The following NRXN3 variants were observed in gnomAD, a reference collection of about 807,000 sequenced individuals.
The protein encoded by NRXN3 is neurexin III.
A neutral mutation model predicts 137.6 loss-of-function variants in NRXN3; 32 were observed. The ratio of observed to expected loss-of-function variants is 0.23; its 90% CI spans 0.18 to 0.31. The LOEUF is 0.31. Ranked by LOEUF, NRXN3 falls within the 10% of genes least tolerant of loss-of-function variation. NRXN3 has a pLI of 1.00. For synonymous variants in NRXN3, 798 were observed against 784.5 expected (o/e 1.02, Z -0.29); for missense variants, 1,574 against 2,062.5 (o/e 0.76, Z 4.59).
intron 15 of NRXN3, among the ~76,000 whole-genome samples, chr14:79,118,599 A>G (rs1367992740): frequency 6.6e-6 from 1 of 152,218 alleles, no homozygotes. Flanking sequence ...AAGCCCGCCC[A>G]CAGTAGACAA....
At chr14:79,068,436 T>A (rs2152700224) in intron 15 of NRXN3, among the ~76,000 whole-genome samples, 1 of 152,170 alleles carries the variant, frequency 6.6e-6, no homozygotes, top group Non-Finnish European at 1.5e-5. Context: ...CAAAAGCAAT[T>A]TCTAAGTCGC....
intron 15 of NRXN3, among the ~76,000 whole-genome samples, chr14:79,341,567 G>A (rs1408883750): frequency 1.3e-5 from 2 of 152,148 alleles, no homozygotes; most frequent in Non-Finnish European, 2.9e-5. Context: ...CAGGAGCTCT[G>A]CTTTAAGAAA....
intron 15 of NRXN3, among the ~76,000 whole-genome samples, chr14:79,033,808 A>G (rs2099611582): frequency 6.6e-6 from 1 of 152,096 alleles, no homozygotes; most frequent in Non-Finnish European, 1.5e-5. Flanking sequence ...AGGTTGTGAG[A>G]GACACAATGA....
At chr14:78,405,260 T>C (rs1026959853) in intron 4 of NRXN3, among the ~76,000 whole-genome samples, 1 of 152,174 alleles carries the variant, frequency 6.6e-6, no homozygotes, top group African/African-American at 2.4e-5. Flanking sequence ...ATAACAGTCA[T>C]GCAGGGGATT....
intron 4 of NRXN3, among the ~76,000 whole-genome samples, chr14:78,347,432 C>G (rs2082900907): frequency 6.6e-6 from 1 of 152,186 alleles, no homozygotes; most frequent in Admixed American, 6.5e-5. Context: ...GAGTGTTTTA[C>G]CAAGCCACTC....
intron 19 of NRXN3, among the ~76,000 whole-genome samples, chr14:79,773,536 C>G (rs962575316): frequency 1.1e-4 from 17 of 149,332 alleles, no homozygotes; most frequent in Admixed American, 9.5e-4. Context: ...GAACAAACAA[C>G]CAAACACCGC....
intron 15 of NRXN3, among the ~76,000 whole-genome samples, chr14:79,350,285 G>T (rs1459475115): frequency 1.3e-5 from 2 of 152,238 alleles, no homozygotes; most frequent in South Asian, 2.1e-4. Context: ...TACTTTCATT[G>T]TATTAACAAG....
chr14:78,264,642 T>C (rs1043069443), intron 2 of NRXN3, among the ~76,000 whole-genome samples: 6 of 152,142 alleles, frequency 3.9e-5, no homozygotes, highest in Non-Finnish European at 5.9e-5. Flanking sequence ...TGTGTGGATA[T>C]GTGTGAGCAT....
At chr14:79,591,631 A>T (rs528491017) in intron 16 of NRXN3, among the ~76,000 whole-genome samples, 35 of 152,324 alleles carry the variant, frequency 2.3e-4, no homozygotes, top group Non-Finnish European at 4.4e-4. Context: ...TGTAATTTTC[A>T]TGTTTCTTTC....
At position 79,711,449 on chromosome 14, in the gene NRXN3, A is replaced by G. The variant is rs1283645375; in HGVS notation, c.4014+13512A>G. 3.3e-5 allele frequency among the ~76,000 whole-genome samples: 5 copies of G among 151,550 alleles called. No homozygotes were observed. In the South Asian group the frequency reaches 8.3e-4, roughly 25 times the overall value. On this transcript the variant is annotated intron_variant, in intron 19 of 20. Coordinates refer to ENST00000335750, the MANE Select transcript of NRXN3 (RefSeq NM_001330195.2). ...TATTCACATAGTTTATTTTTAGTGT[A>G]TATATGTATATATATTTATTTCTTA... is the stretch of plus-strand genomic sequence containing the variant.
At chr14:79,825,868 A>C (rs2099296877) in intron 20 of NRXN3, among the ~76,000 whole-genome samples, 2 of 152,208 alleles carry the variant, frequency 1.3e-5, no homozygotes, top group Admixed American at 1.3e-4. Context: ...TGTAAAAGTA[A>C]CTGTAGTTAT....
At chr14:79,124,459 T>C (rs2152931725) in intron 15 of NRXN3, among the ~76,000 whole-genome samples, 1 of 152,326 alleles carries the variant, frequency 6.6e-6, no homozygotes, top group East Asian at 1.9e-4. Flanking sequence ...GAACAGGTAA[T>C]GGTACAGAGT....
At chr14:79,750,833 C>T (rs1159691825) in intron 19 of NRXN3, among the ~76,000 whole-genome samples, 2 of 152,124 alleles carry the variant, frequency 1.3e-5, no homozygotes, top group East Asian at 3.9e-4. Flanking sequence ...AATTAAAACC[C>T]CCCAAAAAGT....
At chr14:79,331,420 C>G (rs536675892) in intron 15 of NRXN3, among the ~76,000 whole-genome samples, 6 of 152,278 alleles carry the variant, frequency 3.9e-5, no homozygotes, top group African/African-American at 1.4e-4. Context: ...CAGAAAAATA[C>G]TGCTGGAGTT....
chr14:79,020,519 C>T (rs989801675), intron 15 of NRXN3, among the ~76,000 whole-genome samples: 8 of 150,900 alleles, frequency 5.3e-5, no homozygotes, highest in African/African-American at 2.0e-4. Flanking sequence ...CCTGCCTCTG[C>T]CTCCCAAAGT....
chr14:79,820,690 GTCTGTCGTTT>G, intron 20 of NRXN3, among the ~76,000 whole-genome samples: 2 of 26,226 alleles, frequency 7.6e-5, no homozygotes, highest in Non-Finnish European at 1.6e-4. Context: ...AGACTCCATT[GTCTGTCGTTT>G]CCTTGTGTTC....
intron 4 of NRXN3, among the ~76,000 whole-genome samples, chr14:78,586,956 G>A (rs2097069872): frequency 6.6e-6 from 1 of 152,178 alleles, no homozygotes; most frequent in Non-Finnish European, 1.5e-5. Context: ...CCCTGATGCT[G>A]GAGAAGGATC....
intron 6 of NRXN3, among the ~76,000 whole-genome samples, chr14:78,682,689 A>AAGTCT (rs2098087894): frequency 7.0e-6 from 1 of 142,350 alleles, no homozygotes; most frequent in African/African-American, 2.5e-5. Context: ...CTACACTGTC[A>AAGTCT]TTGTGGATGG....
chr14:79,251,284 A>C (rs758357809), intron 15 of NRXN3, among the ~76,000 whole-genome samples: 1 of 152,188 alleles, frequency 6.6e-6, no homozygotes, highest in South Asian at 2.1e-4. Flanking sequence ...GTATTCATTC[A>C]AAGAGGTACT....
Sources: gnomAD v4.1 joint callset for allele counts (sites outside exome capture counted in the v4.1 genomes callset) on GRCh38, gnomAD v4.1.1 for gene constraint, MANE v1.5 for transcripts, NCBI Gene and HGNC (gene_info 2026-07-23, HGNC 2026-07-21) for gene names.